Variants in SEMA6C observed in about 807,000 individuals in gnomAD.
SEMA6C encodes semaphorin-6C.
In SEMA6C, 37 loss-of-function variants were observed where a neutral mutation model predicts 72.9. The observed-to-expected ratio is 0.51, with a 90% CI of 0.39 to 0.67. The LOEUF is 0.67. Among genes scored for constraint, SEMA6C ranks in the 30% least tolerant of loss-of-function variants. The probability of loss-of-function intolerance (pLI) is 0.00; values close to 1 mark genes in which losing one functional copy is unlikely to be tolerated. For synonymous variants in SEMA6C, 578 were observed against 554.1 expected, an observed-to-expected ratio of 1.04 and a Z score of -0.61; for missense variants, 1,189 against 1,263.6, an observed-to-expected ratio of 0.94 and a Z score of 0.89.
intron 7 of SEMA6C, 63 bp from the exon 8 acceptor site, chr1:151,138,469 A>G: frequency 6.6e-7 from 1 of 1,523,608 alleles, no homozygotes; most frequent in South Asian, 1.2e-5. Flanking sequence ...TCCATAGCCT[A>G]TTCCCTCCTG....
intron 10 of SEMA6C, among the ~76,000 whole-genome samples, chr1:151,137,445 C>CTAAA (rs1682136446): frequency 9.5e-6 from 1 of 105,338 alleles, no homozygotes; most frequent in East Asian, 2.8e-4. Flanking sequence ...GACTCCGTCT[C>CTAAA]AAAAAAAAAA....
At position 151,137,980 on chromosome 1, in the gene SEMA6C, C is replaced by G; in HGVS notation, c.667+6G>C. ...AACAGTCTCCTTTCCCCAGGCCCGCCCTGACCTCGGAGCCACTTGGAGTCA... is the reference window on the plus strand; with the variant it reads ...AACAGTCTCCTTTCCCCAGGCCCGCGCTGACCTCGGAGCCACTTGGAGTCA... On this transcript the variant is annotated splice_donor_region_variant and intron_variant, in intron 9 of 18. Transcript: ENST00000368914. The G allele has an allele frequency of 8.1e-6, 13 of 1,613,334 alleles. No individual in the cohort carries two copies. The highest frequency in any genetic ancestry group is 1.1e-5 in the Non-Finnish European group (13 of 1,179,568).
In SEMA6C at chr1:151,133,055, G is replaced by C. The variant is rs772741932; in HGVS notation, c.2222C>G (p.Ala741Gly). ...GPGRSRGGHA[A>G]GGPAPRVLVR... is the part of the protein sequence containing the mutation. Reference sequence around the variant, plus strand: ...CAGCACGCGGGGCGCGGGCCCGCCCGCCGCGTGCCCGCCCCGTGAGCGGCC... The same window carrying C: ...CAGCACGCGGGGCGCGGGCCCGCCCCCCGCGTGCCCGCCCCGTGAGCGGCC... The change falls in exon 19 of 19, where the codon GCG (alanine) becomes GGG (glycine). Residue 741 changes from alanine (A) to glycine (G), a missense_variant. Around this residue, in one of 2 missense-constraint regions of SEMA6C, gnomAD observed 721 missense variants for 686.2 expected, o/e 1.05. Coordinates refer to ENST00000368914, the MANE Select transcript of SEMA6C (RefSeq NM_030913.6). The surrounding 1 kb of genome is among the most constrained non-coding windows in gnomAD (Gnocchi z 5.9). 171 of 1,426,962 alleles carry C rather than the reference G, an allele frequency of 1.2e-4. 3 individuals carry two copies. In the East Asian group the frequency reaches 5.2e-3, roughly 43 times the overall value. 88.4% of individuals were successfully genotyped at this position (1,426,962 alleles called of 1,614,324 possible).
At chr1:151,134,342 C>T in intron 18 of SEMA6C, 59 bp downstream of exon 18, 1 of 1,464,142 alleles carries the variant, frequency 6.8e-7, no homozygotes, top group Non-Finnish European at 9.4e-7. Context: ...TGCTACAGGA[C>T]ACACACTCAG....
Position 151,132,710 on chromosome 1 carries a change from C to T in SEMA6C, c.2567G>A (p.Gly856Asp). ...GAGCAGGGCAGGGGGGGCCCGGTGG[C>T]CGGAGAAAGGCAACCTCCGGCCTCC... is the stretch of plus-strand genomic sequence containing the variant. ...VGGGRRLPFS[G>D]HRAPPALLTR... Residue 856 changes from glycine to aspartate, a missense_variant, in exon 19 of 19, where the codon GGC becomes GAC. Physicochemically the swap from Gly to Asp is moderately conservative, Grantham distance 94. Around this residue, in one of 2 missense-constraint regions of SEMA6C, gnomAD observed 721 missense variants for 686.2 expected, o/e 1.05. Transcript: ENST00000368914. 3 of 1,487,760 alleles carry T rather than the reference C, an allele frequency of 2.0e-6. No individual in the cohort carries two copies. The highest frequency in any genetic ancestry group is 2.7e-6 in the Non-Finnish European group (3 of 1,117,692). The allele number at this position is 1,487,760 out of a possible 1,614,324, so 92.2% of individuals were successfully genotyped here.
Position 151,132,190 on chromosome 1 carries a change from G to A in SEMA6C, c.*294C>T. On this transcript the variant is annotated 3_prime_UTR_variant, in exon 19 of 19. Coordinates refer to ENST00000368914, the MANE Select transcript of SEMA6C (RefSeq NM_030913.6). ...GCACAGTCTCTGGGGGAGCCCCGAG[G>A]GGCGAGTTAAGGCAGCTTGGCTGGA... is the stretch of plus-strand genomic sequence containing the variant. 2 of 1,459,566 alleles carry A rather than the reference G, an allele frequency of 1.4e-6. No homozygotes were observed. The highest frequency in any genetic ancestry group is 1.8e-6 in the Non-Finnish European group (2 of 1,099,242). 90.4% of individuals were successfully genotyped at this position (1,459,566 alleles called of 1,614,324 possible).
rs748164680 is a variant in SEMA6C, at chr1:151,137,718, A to G, written c.749T>C (p.Leu250Pro). 18 of 1,612,206 alleles carry G rather than the reference A, an allele frequency of 1.1e-5. No homozygotes were observed. In the South Asian group the frequency reaches 1.6e-4, roughly 15 times the overall value. ...TGATGCCCACCTCCTTACCCTCCCC[A>G]GCCGAGCATCCTCCACAGAGACCTC... ...FREVSVEDAR[L>P]GRVQFSRVAR... is the part of the protein sequence containing the mutation. The change falls in exon 10 of 19, where the codon CTG (leucine) becomes CCG (proline). Residue 250 changes from leucine (L) to proline (P), a missense_variant. Transcript: ENST00000368914.
intron 3 of SEMA6C, among the ~76,000 whole-genome samples, chr1:151,142,296 G>A (rs185548967): frequency 1.0e-3 from 157 of 152,212 alleles, no homozygotes; most frequent in African/African-American, 3.4e-3. Flanking sequence ...ACCTCCACAC[G>A]ATGCTGCCTC....
chr1:151,136,379 T>A, intron 12 of SEMA6C, 69 bp downstream of exon 12: 1 of 1,579,418 alleles, frequency 6.3e-7, no homozygotes, highest in Non-Finnish European at 8.6e-7. Flanking sequence ...CATTACCTCC[T>A]CACAATCCCA....
rs1572027834 is a variant in SEMA6C, at chr1:151,135,758, T to C, written c.1266A>G (p.Leu422=). Residue 422 remains leucine (L), a synonymous_variant, in exon 14 of 19, where the codon CTA becomes CTG. Coordinates refer to ENST00000368914, the MANE Select transcript of SEMA6C (RefSeq NM_030913.6). ...QPLLTLTSRA[L]LTQVAVDGMA... ...TGCCATCCACAGCTACTTGGGTCAG[T>C]AGGGCCCTGGAGGAAAGGGCCTCAG... 1.2e-6 allele frequency: 2 copies of C among 1,614,004 alleles called. No homozygotes were observed. Among genetic ancestry groups the C allele is most frequent in the Admixed American group, 1.7e-5 (1 of 60,000 alleles).
chr1:151,144,666 G>T (rs1160633820), intron 1 of SEMA6C, among the ~76,000 whole-genome samples: 1 of 152,158 alleles, frequency 6.6e-6, no homozygotes. Flanking sequence ...TCTAGAAACT[G>T]CTAGAACTAC....
chr1:151,138,212 C>T (rs1572034949), intron 8 of SEMA6C, 104 bp downstream of exon 8: 2 of 1,582,310 alleles, frequency 1.3e-6, no homozygotes, highest in East Asian at 4.5e-5. Context: ...GTCCCTACCT[C>T]AACCCTCCAC....
In SEMA6C at chr1:151,132,504, C is replaced by T. The variant is rs1032006132; in HGVS notation, c.2773G>A (p.Gly925Ser). 20 of 1,549,142 alleles carry T rather than the reference C, an allele frequency of 1.3e-5. 1 individual carries two copies. The African/African-American group carries it at 1.9e-4, about 15-fold the overall frequency. The change falls in exon 19 of 19, where the codon GGC (glycine) becomes AGC (serine). Residue 925 changes from glycine to serine, a missense_variant. By Grantham distance (56) the Gly-to-Ser change is moderately conservative (BLOSUM62 0). Transcript: ENST00000368914. Reference protein sequence around the residue: ...GPSSRQAVPNGGRFNF With the variant: ...GPSSRQAVPNSGRFNF ...TCCCTTTAAAAGTTGAAACGGCCGCCGTTCGGGACGGCCTGGCGGGAGGAG... is the reference window on the plus strand; with the variant it reads ...TCCCTTTAAAAGTTGAAACGGCCGCTGTTCGGGACGGCCTGGCGGGAGGAG...
Position 151,132,666 on chromosome 1 carries a change from C to G in SEMA6C, c.2611G>C (p.Gly871Arg). 1 of 1,549,012 alleles carries G rather than the reference C, an allele frequency of 6.5e-7. No homozygotes were observed. The highest frequency in any genetic ancestry group is 1.4e-5 in the African/African-American group (1 of 73,082). ...GGACCCCCGGAGTACCTGGAGGGACCTCCCGAGGGGACTCGAGTGAGCAGG... is the reference window on the plus strand; with the variant it reads ...GGACCCCCGGAGTACCTGGAGGGACGTCCCGAGGGGACTCGAGTGAGCAGG... ...PALLTRVPSG[G>R]PSRYSGGPGK... Residue 871 changes from glycine (G) to arginine (R), a missense_variant, in exon 19 of 19, where the codon GGT (glycine) becomes CGT (arginine). By Grantham distance (125) the Gly-to-Arg change is moderately radical. Transcript: ENST00000368914.
rs587671852 is a variant in SEMA6C, at chr1:151,144,763, C to G, written c.-104-329G>C. 3.9e-5 allele frequency among the ~76,000 whole-genome samples: 6 copies of G among 152,156 alleles called. No homozygotes were observed. In the East Asian group the frequency reaches 5.8e-4, roughly 15 times the overall value. ...TGTTAAGGCCCTCAGAATCCAACAG[C>G]CTTCTTAGCAAAAGCGCCTTAGCTA... On this transcript the variant is annotated intron_variant, in intron 1 of 18. Coordinates refer to ENST00000368914, the MANE Select transcript of SEMA6C (RefSeq NM_030913.6).
chr1:151,140,795 C>T (rs373220253), intron 3 of SEMA6C, among the ~76,000 whole-genome samples: 3 of 152,186 alleles, frequency 2.0e-5, no homozygotes, highest in African/African-American at 7.2e-5. Context: ...GAGATCGAGA[C>T]CATCCTGGCT....
chr1:151,142,646 AG>A lies in SEMA6C; in HGVS notation c.-26del. On this transcript the variant is annotated 5_prime_UTR_variant, in exon 3 of 19. It removes the in-frame stop codon of an upstream open reading frame in the 5' UTR. Transcript: ENST00000368914. ...TCCTGTGCGGGGCAGCTCAGGCCCCAGGGGGTGCCCCCTCACCCATAAGCCG... is the reference window on the plus strand; with the variant it reads ...TCCTGTGCGGGGCAGCTCAGGCCCCAGGGGTGCCCCCTCACCCATAAGCCG... 6.7e-7 allele frequency: 1 copy of A among 1,501,964 alleles called. No homozygotes were observed. The highest frequency in any genetic ancestry group is 8.9e-7 in the Non-Finnish European group (1 of 1,129,144). 93.0% of individuals were successfully genotyped at this position (1,501,964 alleles called of 1,614,324 possible).
At position 151,132,628 on chromosome 1, in the gene SEMA6C, G is replaced by C; in HGVS notation, c.2649C>G (p.Leu883=). ...AGCCCTCGGGCCGGCCCAGGTACAG[G>C]AGGTGCTTCCCGGGACCCCCGGAGT... The part of the protein sequence containing the change: ...SRYSGGPGKH[L]LYLGRPEGYR... The change falls in exon 19 of 19, where the codon CTC becomes CTG. Residue 883 remains leucine, a synonymous_variant. Transcript: ENST00000368914. 6.4e-7 allele frequency: 1 copy of C among 1,550,914 alleles called. No homozygotes were observed. The highest frequency in any genetic ancestry group is 8.7e-7 in the Non-Finnish European group (1 of 1,147,074).
rs750058984 is a variant in SEMA6C, at chr1:151,132,678, C to T, written c.2599G>A (p.Val867Ile). 2.2e-4 allele frequency: 343 copies of T among 1,545,096 alleles called. No homozygotes were observed. Among genetic ancestry groups the T allele is most frequent in the Non-Finnish European group, 2.9e-4 (330 of 1,144,144 alleles). ...TACCTGGAGGGACCTCCCGAGGGGACTCGAGTGAGCAGGGCAGGGGGGGCC... is the reference window on the plus strand; with the variant it reads ...TACCTGGAGGGACCTCCCGAGGGGATTCGAGTGAGCAGGGCAGGGGGGGCC... ...HRAPPALLTR[V>I]PSGGPSRYSG... Residue 867 changes from valine (V) to isoleucine (I), a missense_variant, in exon 19 of 19, where the codon GTC becomes ATC. By Grantham distance (29) the Val-to-Ile change is conservative. This residue lies in a region of SEMA6C where 721 missense variants were observed against 686.2 expected (regional missense o/e 1.05). Coordinates refer to ENST00000368914, the MANE Select transcript of SEMA6C (RefSeq NM_030913.6).
Sources: gnomAD v4.1 joint callset for allele counts (sites outside exome capture counted in the v4.1 genomes callset) on GRCh38, gnomAD v4.1.1 for gene constraint, gnomAD v4.1.1 regional missense constraint, Gnocchi (gnomAD v3.1) non-coding constraint, MANE v1.5 for transcripts, NCBI Gene and HGNC (gene_info 2026-07-23, HGNC 2026-07-21) for gene names.